PCDHA3: variants seen among roughly 807,000 people sequenced by gnomAD.
PCDHA3 encodes the protein protocadherin alpha 3, also known as protocadherin alpha-3.
Under a neutral mutation model 62.2 loss-of-function variants are expected in PCDHA3, and 41 were observed. The ratio of observed to expected loss-of-function variants is 0.66; its 90% CI spans 0.51 to 0.86. The LOEUF (loss-of-function observed/expected upper bound fraction) is 0.86, where lower values mean the gene tolerates loss of function less well. Ranked by LOEUF, PCDHA3 falls within the 40% of genes least tolerant of loss-of-function variation. The probability of loss-of-function intolerance (pLI) is 0.00; values close to 1 mark genes in which losing one functional copy is unlikely to be tolerated. For missense variants in PCDHA3, 1,304 were observed against 1,241.2 expected, an observed-to-expected ratio of 1.05 and a Z score of -0.76; for synonymous variants, 640 against 555.4, an observed-to-expected ratio of 1.15 and a Z score of -2.14.
intron 3 of PCDHA3, among the ~76,000 whole-genome samples, chr5:140,985,188 C>T (rs1186148399): frequency 6.6e-6 from 1 of 152,192 alleles, no homozygotes; most frequent in African/African-American, 2.4e-5. Context: ...CCGCCTGCCT[C>T]GGTCTCCCAA....
chr5:140,968,195 T>C, intron 1 of PCDHA3: 1 of 1,614,076 alleles, frequency 6.2e-7, no homozygotes, highest in East Asian at 2.2e-5. Context: ...CTATTCCATC[T>C]ACATACAGGA....
intron 1 of PCDHA3, among the ~76,000 whole-genome samples, chr5:140,911,208 G>A (rs1554194651): frequency 6.6e-6 from 1 of 152,154 alleles, no homozygotes; most frequent in Non-Finnish European, 1.5e-5. Flanking sequence ...TGCCACTACT[G>A]GGGATGAGAA....
Position 140,802,555 on chromosome 5 carries a change from C to T in PCDHA3, c.1358C>T (p.Pro453Leu), listed in dbSNP as rs1762945813. ...VEVADVNDNA[P>L]AFSQSEYTVF... ...GTGGCCGACGTGAACGACAATGCGC[C>T]GGCATTCTCGCAGTCCGAGTACACG... Residue 453 changes from proline (P) to leucine (L), a missense_variant, in exon 1 of 4, where the codon CCG becomes CTG. Coordinates refer to ENST00000522353, the MANE Select transcript of PCDHA3 (RefSeq NM_018906.3). 1 of 1,614,190 alleles carries T rather than the reference C, an allele frequency of 6.2e-7. No individual in the cohort carries two copies. The highest frequency in any genetic ancestry group is 8.5e-7 in the Non-Finnish European group (1 of 1,180,038).
chr5:140,834,771 C>G (rs2150226115), intron 1 of PCDHA3: 1 of 1,613,992 alleles, frequency 6.2e-7, no homozygotes, highest in East Asian at 2.2e-5. Context: ...TAACGACAAC[C>G]CTCCGGTGTT....
rs2150342799 is a variant in PCDHA3 at position 140,842,713 on chromosome 5, G to C, written c.2394+39122G>C. ...CGCAGCCCGAGTACACGGTGTTCGT[G>C]AAGGAGAACAACCCGCCGGGCTGCC... On this transcript the variant is annotated intron_variant, in intron 1 of 3. Coordinates refer to ENST00000522353, the MANE Select transcript of PCDHA3 (RefSeq NM_018906.3). 4.1e-5 allele frequency: 65 copies of C among 1,595,292 alleles called. 3 individuals are homozygous for C. In the Middle Eastern group the frequency reaches 1.3e-3, roughly 31 times the overall value.
At chr5:140,949,263 C>G (rs1210516513) in intron 1 of PCDHA3, among the ~76,000 whole-genome samples, 1 of 151,714 alleles carries the variant, frequency 6.6e-6, no homozygotes, top group Non-Finnish European at 1.5e-5. Context: ...GAACATATCA[C>G]GTGCACTTGA....
chr5:140,925,069 C>T (rs1240618705), intron 1 of PCDHA3, among the ~76,000 whole-genome samples: 1 of 149,418 alleles, frequency 6.7e-6, no homozygotes, highest in Non-Finnish European at 1.5e-5. Context: ...AACAAAGCAA[C>T]ACGCTCATCT....
chr5:140,846,023 G>A lies in PCDHA3; in HGVS notation c.2394+42432G>A, dbSNP rs190415681. Among the ~76,000 whole-genome samples, 29 of 149,662 alleles carry A rather than the reference G, an allele frequency of 1.9e-4. No homozygotes were observed. The East Asian group carries it at 5.2e-3, about 27-fold the overall frequency. ...ATGAAAAAAATCTAAAAGTTATTACGAGTTTAGGAAAGTCAAGTTAACACC... is the reference window on the plus strand; with the variant it reads ...ATGAAAAAAATCTAAAAGTTATTACAAGTTTAGGAAAGTCAAGTTAACACC... On this transcript the variant is annotated intron_variant, in intron 1 of 3. Transcript: ENST00000522353.
intron 1 of PCDHA3, chr5:140,865,878 T>C (rs1436758278): frequency 1.3e-5 from 2 of 152,170 alleles, no homozygotes; most frequent in Non-Finnish European, 2.9e-5. Flanking sequence ...GCTAGGAAAA[T>C]CAAGCACAAA....
intron 1 of PCDHA3, chr5:140,836,292 C>A (rs1774344523): frequency 6.2e-7 from 1 of 1,613,662 alleles, no homozygotes; most frequent in South Asian, 1.1e-5. Context: ...GACACGAGCC[C>A]TAGATGAGAC....
chr5:140,807,597 A>G (rs144914662), intron 1 of PCDHA3: 1 of 1,614,208 alleles, frequency 6.2e-7, no homozygotes, highest in South Asian at 1.1e-5. Context: ...CCAGCAACAC[A>G]AAAGAACCTG....
intron 1 of PCDHA3, chr5:140,857,302 G>T: frequency 6.3e-7 from 1 of 1,598,652 alleles, no homozygotes; most frequent in Non-Finnish European, 8.6e-7. Flanking sequence ...AGAGGGTGTC[G>T]GCCTATGAGC....
At chr5:140,896,706 T>C (rs188797791) in intron 1 of PCDHA3, among the ~76,000 whole-genome samples, 169 of 152,248 alleles carry the variant, frequency 1.1e-3, no homozygotes, top group East Asian at 5.2e-3. Context: ...AGGTTGTTTG[T>C]TTTTTGCTTG....
chr5:140,969,228 G>C, intron 1 of PCDHA3: 1 of 1,614,176 alleles, frequency 6.2e-7, no homozygotes, highest in Non-Finnish European at 8.5e-7. Flanking sequence ...GGGCCTTCGG[G>C]AGCCCAAGCA....
intron 1 of PCDHA3, chr5:140,882,203 TGA>T: frequency 6.5e-7 from 1 of 1,530,090 alleles, no homozygotes; most frequent in Non-Finnish European, 8.8e-7. Flanking sequence ...AATTGGGCCT[TGA>T]GAGACAGTTT....
chr5:140,808,972 C>A (rs1253536001), intron 1 of PCDHA3: 5 of 1,613,490 alleles, frequency 3.1e-6, no homozygotes, highest in Non-Finnish European at 4.2e-6. Context: ...CAAAGGTGCG[C>A]GCGGTGGATG....
chr5:140,954,297 C>G (rs1369831854), intron 1 of PCDHA3, among the ~76,000 whole-genome samples: 1 of 152,298 alleles, frequency 6.6e-6, no homozygotes, highest in African/African-American at 2.4e-5. Context: ...TGGGTACATA[C>G]CCAGTAATGG....
rs2150262864 is a variant in PCDHA3 at position 140,836,525 on chromosome 5, C to T, written c.2394+32934C>T. 6.2e-6 allele frequency: 10 copies of T among 1,613,836 alleles called. No homozygotes were observed. In the South Asian group the frequency reaches 1.1e-4, roughly 18 times the overall value. On this transcript the variant is annotated intron_variant, in intron 1 of 3. Coordinates refer to ENST00000522353, the MANE Select transcript of PCDHA3 (RefSeq NM_018906.3). ...CGGTGTCCAGTCTGTTGGTGCTTAC[C>T]CTGCTGCTGTACACGGCGTTGCGGT...
intron 1 of PCDHA3, chr5:140,850,152 G>T (rs2150469849): frequency 1.3e-6 from 2 of 1,595,546 alleles, no homozygotes; most frequent in Middle Eastern, 2.0e-4. Context: ...GACGCTGCAG[G>T]TGTTCGTGCT....
Sources: allele counts gnomAD v4.1 joint callset (sites outside exome capture counted in the v4.1 genomes callset), GRCh38; gene constraint gnomAD v4.1.1; transcripts MANE v1.5; gene names NCBI Gene and HGNC (gene_info 2026-07-23, HGNC 2026-07-21).